CSMD3: variants seen among roughly 807,000 people sequenced by gnomAD.
CSMD3 encodes the protein CUB and sushi domain-containing protein 3.
CSMD3 carries 177 observed loss-of-function variants against 435.2 expected under a neutral mutation model. The observed-to-expected ratio is 0.41, with a 90% CI of 0.36 to 0.46. The LOEUF (loss-of-function observed/expected upper bound fraction) is 0.46. Ranked by LOEUF, CSMD3 falls within the 20% of genes least tolerant of loss-of-function variation. The pLI is 0.34. For synonymous variants in CSMD3, 1,656 were observed against 1,520.5 expected (o/e 1.09, Z -2.07); for missense variants, 4,265 against 4,504.6 (o/e 0.95, Z 1.52).
chr8:112,957,224 G>A (rs1190918280), intron 7 of CSMD3, among the ~76,000 whole-genome samples: 1 of 152,064 alleles, frequency 6.6e-6, no homozygotes, highest in Non-Finnish European at 1.5e-5. Context: ...ATCAAGTAAT[G>A]AGTGCTTCTA....
chr8:113,077,459 T>C (rs2089390111), intron 5 of CSMD3, among the ~76,000 whole-genome samples: 1 of 152,120 alleles, frequency 6.6e-6, no homozygotes, highest in Admixed American at 6.6e-5. Context: ...CCCAGCACTT[T>C]GGGAGGCCGA....
At chr8:112,747,741 C>T (rs1439325887) in intron 13 of CSMD3, among the ~76,000 whole-genome samples, 2 of 151,684 alleles carry the variant, frequency 1.3e-5, no homozygotes, top group Admixed American at 6.6e-5. Context: ...TTTGGGAGGC[C>T]GAGGCAGGCG....
At chr8:113,245,903 C>A (rs1315117091) in intron 3 of CSMD3, among the ~76,000 whole-genome samples, 1 of 151,920 alleles carries the variant, frequency 6.6e-6, no homozygotes, top group Non-Finnish European at 1.5e-5. Flanking sequence ...ACTATAAATT[C>A]TTGGTTGACA....
intron 3 of CSMD3, among the ~76,000 whole-genome samples, chr8:113,250,623 A>AT (rs1026825693): frequency 3.9e-5 from 6 of 152,088 alleles, no homozygotes; most frequent in African/African-American, 1.4e-4. Flanking sequence ...ATGGAAGGAG[A>AT]TGGGGCCAAA....
chr8:112,483,128 G>C (rs1445146516), intron 31 of CSMD3, among the ~76,000 whole-genome samples: 1 of 152,098 alleles, frequency 6.6e-6, no homozygotes, highest in Middle Eastern at 3.2e-3. Context: ...AAAACTCATA[G>C]ATTTAAAAAA....
intron 41 of CSMD3, among the ~76,000 whole-genome samples, chr8:112,345,857 A>T (rs946133241): frequency 2.7e-5 from 4 of 147,934 alleles, no homozygotes; most frequent in Middle Eastern, 3.4e-3. Context: ...AAAATAATAA[A>T]TCAGAGTAAA....
intron 2 of CSMD3, among the ~76,000 whole-genome samples, chr8:113,306,707 G>A (rs936394379): frequency 2.0e-5 from 3 of 152,142 alleles, no homozygotes; most frequent in Non-Finnish European, 4.4e-5. Flanking sequence ...TGTAGTGGCT[G>A]CTCAAAAACA....
chr8:113,394,497 A>G (rs2094474663), intron 1 of CSMD3, among the ~76,000 whole-genome samples: 1 of 152,142 alleles, frequency 6.6e-6, no homozygotes. Flanking sequence ...TTTCCTAAAA[A>G]TGCTGGATCA....
chr8:112,317,372 A>T (rs1032000574), intron 47 of CSMD3, among the ~76,000 whole-genome samples: 6 of 152,158 alleles, frequency 3.9e-5, no homozygotes, highest in African/African-American at 1.4e-4. Context: ...GCTCTCCAAG[A>T]GCTCACAATA....
chr8:112,262,296 T>C (rs1230072706), intron 61 of CSMD3, among the ~76,000 whole-genome samples: 1 of 152,120 alleles, frequency 6.6e-6, no homozygotes, highest in Non-Finnish European at 1.5e-5. Flanking sequence ...GTGTTCTCCA[T>C]AACATTGTTT....
At chr8:113,421,361 A>G (rs2094607943) in intron 1 of CSMD3, among the ~76,000 whole-genome samples, 2 of 152,202 alleles carry the variant, frequency 1.3e-5, no homozygotes, top group Non-Finnish European at 2.9e-5. Context: ...ATGCCTAATG[A>G]CTTTTCTTAT....
chr8:112,921,716 T>A lies in CSMD3; in HGVS notation c.1544A>T (p.Asp515Val), dbSNP rs2130631900. 1.2e-6 allele frequency: 2 copies of A among 1,610,792 alleles called. No individual in the cohort carries two copies. Among genetic ancestry groups the A allele is most frequent in the South Asian group, 2.2e-5 (2 of 91,026 alleles). Residue 515 changes from aspartate to valine, a missense_variant, in exon 10 of 71, where the codon GAT becomes GTT. Transcript: ENST00000297405. Reference sequence around the variant, plus strand: ...GCTCTTTGCGCCCTGTAGGACATAATCTTCATCACAAGAGAACTGCACAGT... The same window carrying A: ...GCTCTTTGCGCCCTGTAGGACATAAACTTCATCACAAGAGAACTGCACAGT... ...GSTVQFSCDE[D>V]YVLQGAKSIT... is the part of the protein sequence containing the mutation.
chr8:113,362,515 A>C (rs2132996296), intron 1 of CSMD3, among the ~76,000 whole-genome samples: 1 of 152,298 alleles, frequency 6.6e-6, no homozygotes. Flanking sequence ...GGTGCCCTGT[A>C]GGTAACAAGA....
Position 112,237,219 on chromosome 8 carries a change from C to T in CSMD3, c.10598G>A (p.Ser3533Asn), listed in dbSNP as rs1280191125. ...AAGTAGCAGCTCCATGTTGCTATTGCTCAGTGTTGCGTTAACTCTCCCAGT... is the reference window on the plus strand; with the variant it reads ...AAGTAGCAGCTCCATGTTGCTATTGTTCAGTGTTGCGTTAACTCTCCCAGT... ...ASTGRVNATLSNSNMELLLSG... is the reference protein window; with the variant it reads ...ASTGRVNATLNNSNMELLLSG... The change falls in exon 67 of 71, where the codon AGC becomes AAC. Residue 3533 changes from serine to asparagine, a missense_variant. Around this residue, in one of 3 missense-constraint regions of CSMD3, gnomAD observed 3,255 missense variants for 3,380.2 expected, o/e 0.96. Transcript: ENST00000297405. The T allele has an allele frequency of 6.2e-7, 1 of 1,613,590 alleles. No individual in the cohort carries two copies. Among genetic ancestry groups the T allele is most frequent in the Non-Finnish European group, 8.5e-7 (1 of 1,179,642 alleles).
intron 1 of CSMD3, among the ~76,000 whole-genome samples, chr8:113,403,090 C>T (rs2094517326): frequency 6.6e-6 from 1 of 151,388 alleles, no homozygotes; most frequent in East Asian, 1.9e-4. Flanking sequence ...GGAGTTCCTA[C>T]TAAACTAGAA....
chr8:112,404,543 A>G (rs898194467), intron 35 of CSMD3, among the ~76,000 whole-genome samples: 5 of 151,686 alleles, frequency 3.3e-5, no homozygotes, highest in Non-Finnish European at 5.9e-5. Flanking sequence ...AAAAAATTAC[A>G]TATCCTGTGA....
At chr8:112,762,895 T>C (rs1200427745) in intron 13 of CSMD3, among the ~76,000 whole-genome samples, 1 of 151,796 alleles carries the variant, frequency 6.6e-6, no homozygotes, top group Non-Finnish European at 1.5e-5. Context: ...AACCAGATGC[T>C]GAAATCTTAG....
At chr8:113,393,671 G>T (rs1327982181) in intron 1 of CSMD3, among the ~76,000 whole-genome samples, 3 of 152,004 alleles carry the variant, frequency 2.0e-5, no homozygotes, top group Non-Finnish European at 4.4e-5. Context: ...TAGTTCCAAG[G>T]TTAACAAACA....
chr8:113,082,133 A>T (rs1057372979), intron 5 of CSMD3, among the ~76,000 whole-genome samples: 7 of 152,152 alleles, frequency 4.6e-5, no homozygotes, highest in African/African-American at 1.4e-4. Flanking sequence ...GGGCCCAAGG[A>T]CTGCTCTACC....
Sources: gnomAD v4.1 joint callset for allele counts (sites outside exome capture counted in the v4.1 genomes callset) on GRCh38, gnomAD v4.1.1 for gene constraint, gnomAD v4.1.1 regional missense constraint, MANE v1.5 for transcripts, NCBI Gene and HGNC (gene_info 2026-07-23, HGNC 2026-07-21) for gene names.